HDAC9: variants seen among roughly 807,000 people sequenced by gnomAD.
HDAC9 encodes the protein MEF-2 interacting transcription repressor (MITR) protein.
HDAC9 carries 41 observed loss-of-function variants against 139.4 expected under a neutral mutation model. The ratio of observed to expected loss-of-function variants is 0.29; its 90% CI spans 0.23 to 0.38. The LOEUF (loss-of-function observed/expected upper bound fraction) is 0.38, where lower values mean the gene tolerates loss of function less well. Among genes scored for constraint, HDAC9 ranks in the 10% least tolerant of loss-of-function variants. HDAC9 has a pLI of 1.00. For missense variants in HDAC9, 1,147 were observed against 1,297.0 expected, an observed-to-expected ratio of 0.88 and a Z score of 1.78; for synonymous variants, 517 against 476.2, an observed-to-expected ratio of 1.09 and a Z score of -1.12.
intron 2 of HDAC9, among the ~76,000 whole-genome samples, chr7:18,180,128 CA>C (rs1170310821): frequency 6.6e-6 from 1 of 151,978 alleles, no homozygotes; most frequent in African/African-American, 2.4e-5. Flanking sequence ...ATCCTACCCC[CA>C]GTAGTGAGCG....
intron 2 of HDAC9, among the ~76,000 whole-genome samples, chr7:18,275,007 C>G (rs1328420020): frequency 1.3e-5 from 2 of 152,168 alleles, no homozygotes; most frequent in African/African-American, 4.8e-5. Flanking sequence ...ATTTGTATGT[C>G]TAGCCCAGGC....
chr7:18,658,444 G>T (rs945806043), intron 11 of HDAC9, among the ~76,000 whole-genome samples: 8 of 152,108 alleles, frequency 5.3e-5, no homozygotes, highest in African/African-American at 1.9e-4. Context: ...CATTGTTTTG[G>T]ACAATCATTT....
chr7:18,260,249 G>T (rs1432632394), intron 2 of HDAC9, among the ~76,000 whole-genome samples: 1 of 149,948 alleles, frequency 6.7e-6, no homozygotes, highest in Non-Finnish European at 1.5e-5. Context: ...AGTATTTTTA[G>T]TATTGCTGTT....
intron 22 of HDAC9, among the ~76,000 whole-genome samples, chr7:18,935,171 G>GA (rs1453091422): frequency 6.6e-6 from 1 of 152,120 alleles, no homozygotes; most frequent in Non-Finnish European, 1.5e-5. Flanking sequence ...CATGGGGGTT[G>GA]AAAAAGTGTT....
At chr7:18,499,891 C>T (rs1393335768) in intron 2 of HDAC9, among the ~76,000 whole-genome samples, 1 of 152,064 alleles carries the variant, frequency 6.6e-6, no homozygotes. Flanking sequence ...ATTTTAGATT[C>T]AGTAGTCACG....
At chr7:18,669,866 C>G (rs752325387) in intron 12 of HDAC9, among the ~76,000 whole-genome samples, 95 of 151,794 alleles carry the variant, frequency 6.3e-4, no homozygotes, top group Non-Finnish European at 1.2e-3. Flanking sequence ...TTCACCTTCT[C>G]ATTGGTGAAG....
chr7:18,435,407 G>C (rs947815088), intron 1 of HDAC9, among the ~76,000 whole-genome samples: 6 of 152,048 alleles, frequency 3.9e-5, no homozygotes, highest in South Asian at 2.1e-4. Flanking sequence ...GAACTGAAAA[G>C]TATGAAAAAG....
chr7:18,358,575 T>C (rs1243330631), intron 1 of HDAC9, among the ~76,000 whole-genome samples: 3 of 152,124 alleles, frequency 2.0e-5, no homozygotes, highest in African/African-American at 7.2e-5. Flanking sequence ...TTGGAAAAAA[T>C]TGAAATATGG....
At chr7:18,550,781 TG>T (rs1308937833) in intron 2 of HDAC9, among the ~76,000 whole-genome samples, 1 of 151,280 alleles carries the variant, frequency 6.6e-6, no homozygotes, top group African/African-American at 2.4e-5. Context: ...TGGAGTAGAG[TG>T]GTGAGAGGAG....
chr7:18,202,279 TA>T, intron 2 of HDAC9, among the ~76,000 whole-genome samples: 1 of 152,220 alleles, frequency 6.6e-6, no homozygotes, highest in Non-Finnish European at 1.5e-5. Context: ...TTGTTCCAGA[TA>T]TTTTTCCAAT....
At chr7:18,962,891 G>A (rs1783617047) in intron 24 of HDAC9, among the ~76,000 whole-genome samples, 1 of 152,102 alleles carries the variant, frequency 6.6e-6, no homozygotes, top group Admixed American at 6.6e-5. Flanking sequence ...GCTTGTTCAA[G>A]TTCCTTCTAC....
At position 18,670,765 on chromosome 7, in the gene HDAC9, G is replaced by T. The variant is rs801525; in HGVS notation, c.1731+4289G>T. Among the ~76,000 whole-genome samples, 3 of 151,524 alleles carry T rather than the reference G, an allele frequency of 2.0e-5. No individual in the cohort carries two copies. In the South Asian group the frequency reaches 6.2e-4, roughly 31 times the overall value. Reference sequence around the variant, plus strand: ...TGCTTACTTCTGTCCAATTTATTCAGTTGTTTCTCTCTCTCTCCTCATTAG... The same window carrying T: ...TGCTTACTTCTGTCCAATTTATTCATTTGTTTCTCTCTCTCTCCTCATTAG... On this transcript the variant is annotated intron_variant, in intron 12 of 25. Coordinates refer to ENST00000686413, the MANE Select transcript of HDAC9 (RefSeq NM_178425.4).
At chr7:18,195,991 T>C (rs528776400) in intron 2 of HDAC9, among the ~76,000 whole-genome samples, 3 of 151,976 alleles carry the variant, frequency 2.0e-5, no homozygotes, top group African/African-American at 4.8e-5. Flanking sequence ...ATTTTCTCCT[T>C]CTTTTATATT....
intron 6 of HDAC9, among the ~76,000 whole-genome samples, chr7:18,621,471 A>T (rs966716028): frequency 1.3e-5 from 2 of 152,124 alleles, no homozygotes; most frequent in Admixed American, 6.5e-5. Context: ...TAATCTTAAC[A>T]AGTAGACAAA....
intron 24 of HDAC9, among the ~76,000 whole-genome samples, chr7:18,965,693 C>T (rs528281026): frequency 2.0e-5 from 3 of 152,280 alleles, no homozygotes; most frequent in South Asian, 2.1e-4. Context: ...ATGTGAGCTG[C>T]GAGGGAGCAG....
At chr7:18,469,886 G>T (rs984515178) in intron 1 of HDAC9, among the ~76,000 whole-genome samples, 2 of 152,024 alleles carry the variant, frequency 1.3e-5, no homozygotes, top group African/African-American at 4.8e-5. Context: ...CCAGCTTGAC[G>T]CCCAGATGTG....
chr7:18,151,364 C>T (rs1786766277), intron 1 of HDAC9, among the ~76,000 whole-genome samples: 1 of 152,134 alleles, frequency 6.6e-6, no homozygotes, highest in Non-Finnish European at 1.5e-5. Flanking sequence ...GATGGAGTTG[C>T]AGATACTTTT....
intron 2 of HDAC9, among the ~76,000 whole-genome samples, chr7:18,212,033 T>C (rs1340242543): frequency 1.3e-5 from 2 of 152,188 alleles, no homozygotes. Context: ...TCTCTGACTG[T>C]GTTTCTTTGG....
intron 1 of HDAC9, among the ~76,000 whole-genome samples, chr7:18,393,897 C>G (rs564895581): frequency 6.4e-4 from 98 of 152,246 alleles, no homozygotes; most frequent in African/African-American, 2.3e-3. Flanking sequence ...AAGTGAATTG[C>G]GTGTGGGGAA....
Sources: allele counts gnomAD v4.1 joint callset (sites outside exome capture counted in the v4.1 genomes callset), GRCh38; gene constraint gnomAD v4.1.1; transcripts MANE v1.5; gene names NCBI Gene and HGNC (gene_info 2026-07-23, HGNC 2026-07-21).